The following INO80 variants were observed in gnomAD, a reference collection of about 807,000 sequenced individuals.
INO80 encodes chromatin-remodeling ATPase INO80.
In INO80, 20 loss-of-function variants were observed where a neutral mutation model predicts 203.4. The observed-to-expected ratio is 0.10, with a 90% confidence interval of 0.07 to 0.14. The LOEUF (loss-of-function observed/expected upper bound fraction) is 0.14. INO80 is among the 10% of genes least tolerant of loss of function. The probability of loss-of-function intolerance (pLI) is 1.00; values close to 1 mark genes in which losing one functional copy is unlikely to be tolerated. For synonymous variants in INO80, 726 were observed against 685.2 expected, an observed-to-expected ratio of 1.06 and a Z score of -0.93; for missense variants, 1,419 against 1,914.4, an observed-to-expected ratio of 0.74 and a Z score of 4.83.
intron 35 of INO80, among the ~76,000 whole-genome samples, chr15:40,980,691 G>A (rs544281949): frequency 1.0e-3 from 158 of 152,226 alleles, no homozygotes; most frequent in Non-Finnish European, 1.5e-3. Context: ...ATCCACAGAT[G>A]GTAAAATGTT....
chr15:41,053,845 A>T, intron 19 of INO80, 84 bp downstream of exon 19: 1 of 1,022,582 alleles, frequency 9.8e-7, no homozygotes, highest in Non-Finnish European at 1.5e-6. Context: ...AACTTCAACT[A>T]AACATATATC....
At chr15:41,060,437 T>C (rs900186100) in intron 14 of INO80, among the ~76,000 whole-genome samples, 7 of 151,730 alleles carry the variant, frequency 4.6e-5, no homozygotes, top group Non-Finnish European at 1.0e-4. Flanking sequence ...AATACAAAAA[T>C]TAGCCGGGTG....
chr15:41,039,425 T>TA (rs1291911411), intron 24 of INO80, among the ~76,000 whole-genome samples: 9 of 152,260 alleles, frequency 5.9e-5, no homozygotes, highest in Admixed American at 4.6e-4. Context: ...TGTGTGTTTT[T>TA]AAGCATGAGT....
At position 41,068,586 on chromosome 15, in the gene INO80, G is replaced by A. The variant is rs560196321; in HGVS notation, c.1782+984C>T. On this transcript the variant is annotated intron_variant, in intron 14 of 35. Transcript: ENST00000648947. ...AAAAAAAAAAACAACAGCTGTGTGCGGTGGCTCATGCCTGTAATCCTTGCG... is the reference window on the plus strand; with the variant it reads ...AAAAAAAAAAACAACAGCTGTGTGCAGTGGCTCATGCCTGTAATCCTTGCG... 2.3e-4 allele frequency among the ~76,000 whole-genome samples: 35 copies of A among 151,784 alleles called. No homozygotes were observed. In the East Asian group the frequency reaches 4.5e-3, roughly 19 times the overall value.
chr15:41,050,700 G>A (rs570062534), intron 19 of INO80, among the ~76,000 whole-genome samples: 48 of 152,118 alleles, frequency 3.2e-4, no homozygotes, highest in African/African-American at 9.4e-4. Context: ...ATATTTTGTG[G>A]TCTTCCTGCC....
At chr15:41,033,879 C>A (rs557657946) in intron 24 of INO80, among the ~76,000 whole-genome samples, 130 of 151,912 alleles carry the variant, frequency 8.6e-4, no homozygotes, top group African/African-American at 3.1e-3. Flanking sequence ...AGAGTAGAAA[C>A]CCTATCTCTA....
rs1205932520 is a variant in INO80, at chr15:41,046,202, C to CATATATATATATAT, written c.2736-1128_2736-1127insATATATATATATAT. 2.7e-4 allele frequency among the ~76,000 whole-genome samples: 30 copies of CATATATATATATAT among 109,462 alleles called. 4 individuals carry two copies. Among genetic ancestry groups the CATATATATATATAT allele is most frequent in the Admixed American group, 4.6e-4 (5 of 10,972 alleles). The allele number at this position is 109,462 out of a possible 152,430, so 71.8% of individuals were successfully genotyped here. On this transcript the variant is annotated intron_variant, in intron 23 of 35. Coordinates refer to ENST00000648947, the MANE Select transcript of INO80 (RefSeq NM_017553.3). ...CTGTGTGTGTCTCTGTGTGCGTATA[C>CATATATATATATAT]ATACATATATATATATATATATATA...
intron 5 of INO80, among the ~76,000 whole-genome samples, chr15:41,088,847 CT>C (rs1755915051): frequency 1.3e-5 from 2 of 152,126 alleles, no homozygotes; most frequent in South Asian, 2.1e-4. Flanking sequence ...AGTCTGATAA[CT>C]TTCCTATATG....
At chr15:41,094,140 G>A (rs1299606506) in intron 4 of INO80, among the ~76,000 whole-genome samples, 4 of 152,186 alleles carry the variant, frequency 2.6e-5, no homozygotes, top group African/African-American at 9.7e-5. Flanking sequence ...GCCACTGACA[G>A]TAATCTTGTA....
rs79643740 is a variant in INO80 at position 41,011,913 on chromosome 15, C to G, written c.3402+4175G>C. The stretch of plus-strand genomic sequence containing the variant: ...ATTTAATTCTATATTACACTATTAT[C>G]ATATGTTGGTAGAGTTCAAGATTTG... On this transcript the variant is annotated intron_variant, in intron 27 of 35. Transcript: ENST00000648947. 8.5e-3 allele frequency among the ~76,000 whole-genome samples: 1,297 copies of G among 152,278 alleles called. 39 individuals are homozygous for G. The East Asian group carries it at 0.091, about 11-fold the overall frequency.
chr15:41,062,565 T>C (rs2045131610), intron 14 of INO80, among the ~76,000 whole-genome samples: 1 of 152,108 alleles, frequency 6.6e-6, no homozygotes, highest in Non-Finnish European at 1.5e-5. Context: ...AATAAATACA[T>C]GACTAGTGCT....
At chr15:41,087,077 C>G (rs188596137) in intron 6 of INO80, among the ~76,000 whole-genome samples, 2 of 152,026 alleles carry the variant, frequency 1.3e-5, no homozygotes, top group African/African-American at 4.8e-5. Context: ...ATAGTCTACC[C>G]TTCCTATCTG....
chr15:41,080,932 G>A lies in INO80; in HGVS notation c.927+88C>T, dbSNP rs370681220. On this transcript the variant is annotated intron_variant, in intron 8 of 35. Coordinates refer to ENST00000648947, the MANE Select transcript of INO80 (RefSeq NM_017553.3). ...ATTAGATTCATGATCAACAGGTTAC[G>A]ACGGACAAGAGCAGCAAGATGGACC... The A allele has an allele frequency of 1.0e-3, 816 of 819,088 alleles. 10 individuals are homozygous for A. In the South Asian group the frequency reaches 0.011, roughly 11 times the overall value. 50.7% of individuals were successfully genotyped at this position (819,088 alleles called of 1,614,324 possible). A position where few individuals can be genotyped will look rare whatever the true frequency, so the allele number is the denominator to read the frequency against.
In INO80 at chr15:40,998,823, G is replaced by A. The variant is rs565723918; in HGVS notation, c.3498-1222C>T. ...ATTACAGGTGCCCACCACCATGCCT[G>A]GCTAATTTTTGTATTTTTAGTAGAG... On this transcript the variant is annotated intron_variant, in intron 28 of 35. Transcript: ENST00000648947. Among the ~76,000 whole-genome samples the A allele has an allele frequency of 2.7e-3, 407 of 152,022 alleles. 3 individuals carry two copies. Among genetic ancestry groups the A allele is most frequent in the South Asian group, 0.013 (61 of 4,814 alleles).
chr15:41,037,810 G>C (rs1281729984), intron 24 of INO80, among the ~76,000 whole-genome samples: 1 of 151,174 alleles, frequency 6.6e-6, no homozygotes, highest in Non-Finnish European at 1.5e-5. Context: ...TGGAGTGGTG[G>C]TGCACGCCTG....
intron 9 of INO80, among the ~76,000 whole-genome samples, chr15:41,075,974 T>C (rs2045396360): frequency 6.6e-6 from 1 of 152,116 alleles, no homozygotes; most frequent in Admixed American, 6.6e-5. Flanking sequence ...TGAAAGCCAA[T>C]ACAATAGGTA....
At chr15:40,981,358 A>G (rs1893821846) in intron 35 of INO80, among the ~76,000 whole-genome samples, 1 of 152,220 alleles carries the variant, frequency 6.6e-6, no homozygotes, top group Non-Finnish European at 1.5e-5. Context: ...TGCCCCAGCC[A>G]TGGGTGAGAC....
chr15:41,090,419 C>G (rs982572751), intron 5 of INO80, among the ~76,000 whole-genome samples: 3 of 151,432 alleles, frequency 2.0e-5, no homozygotes, highest in Admixed American at 1.3e-4. Flanking sequence ...TTACTAAAAA[C>G]GCAAAAAAAA....
chr15:41,081,629 C>T (rs1223340950), intron 7 of INO80, among the ~76,000 whole-genome samples: 1 of 152,100 alleles, frequency 6.6e-6, no homozygotes, highest in Admixed American at 6.6e-5. Flanking sequence ...AGCCCACAAC[C>T]CAGCTATTTG....
Sources: gnomAD v4.1 joint callset for allele counts (sites outside exome capture counted in the v4.1 genomes callset) on GRCh38, gnomAD v4.1.1 for gene constraint, MANE v1.5 for transcripts, NCBI Gene and HGNC (gene_info 2026-07-23, HGNC 2026-07-21) for gene names.